The following CD86 variants were observed in gnomAD, a reference collection of about 807,000 sequenced individuals.
CD86 encodes the protein CD86 molecule.
CD86 carries 11 observed loss-of-function variants against 32.1 expected under a neutral mutation model. The observed-to-expected ratio is 0.34, with a 90% CI of 0.22 to 0.57. The LOEUF is 0.57. CD86 is among the 20% of genes least tolerant of loss of function. CD86 has a pLI of 0.86. For synonymous variants in CD86, 137 were observed against 135.3 expected (o/e 1.01, Z -0.09); for missense variants, 359 against 398.4 (o/e 0.90, Z 0.84).
chr3:122,076,576 A>G (rs1167333191), intron 1 of CD86, among the ~76,000 whole-genome samples: 1 of 152,150 alleles, frequency 6.6e-6, no homozygotes, highest in Non-Finnish European at 1.5e-5. Flanking sequence ...GTGAGTCAAG[A>G]CCCTGGACCC....
intron 1 of CD86, among the ~76,000 whole-genome samples, chr3:122,064,271 G>T (rs932208854): frequency 2.0e-5 from 3 of 152,068 alleles, no homozygotes; most frequent in Non-Finnish European, 4.4e-5. Context: ...AAATAAGATA[G>T]CATAGTAAAA....
At chr3:122,069,799 A>G (rs2072465216) in intron 1 of CD86, among the ~76,000 whole-genome samples, 1 of 152,146 alleles carries the variant, frequency 6.6e-6, no homozygotes, top group African/African-American at 2.4e-5. Flanking sequence ...CCATCAGACC[A>G]GAGACCTCAC....
intron 1 of CD86, among the ~76,000 whole-genome samples, chr3:122,091,122 C>T (rs2072810788): frequency 6.6e-6 from 1 of 152,160 alleles, no homozygotes; most frequent in South Asian, 2.1e-4. Flanking sequence ...ATAATCAATC[C>T]CTCAAATTTT....
At chr3:122,082,262 C>T (rs2072644950) in intron 1 of CD86, among the ~76,000 whole-genome samples, 1 of 152,222 alleles carries the variant, frequency 6.6e-6, no homozygotes, top group South Asian at 2.1e-4. Flanking sequence ...TGAAATCTGG[C>T]TCCCTGTAAC....
intron 5 of CD86, among the ~76,000 whole-genome samples, chr3:122,110,164 G>A (rs1414690424): frequency 6.6e-6 from 1 of 152,156 alleles, no homozygotes; most frequent in Non-Finnish European, 1.5e-5. Flanking sequence ...TCATTCTACA[G>A]CATCATTTTT....
Position 122,119,945 on chromosome 3 carries a change from TTG to T in CD86, c.*417_*418del, listed in dbSNP as rs5852292. ...TTCTAAGCTGGTGCCCCACTGAATT[TTG>T]TGTGTACCTGTGACTAAACAACTAC... On this transcript the variant is annotated 3_prime_UTR_variant, in exon 7 of 7. Coordinates refer to ENST00000330540, the MANE Select transcript of CD86 (RefSeq NM_175862.5). The T allele has an allele frequency of 1, 171,140 of 171,142 alleles. 85,569 individuals carry two copies. Among genetic ancestry groups the T allele is most frequent in the Middle Eastern group, 1 (352 of 352 alleles). 10.6% of individuals were successfully genotyped at this position (171,142 alleles called of 1,614,324 possible).
chr3:122,100,083 C>A (rs2072974328), intron 2 of CD86, among the ~76,000 whole-genome samples: 1 of 152,176 alleles, frequency 6.6e-6, no homozygotes, highest in African/African-American at 2.4e-5. Context: ...AGGTGGGGGG[C>A]AGCTGCTGAA....
intron 1 of CD86, among the ~76,000 whole-genome samples, chr3:122,066,244 C>T (rs949204510): frequency 1.3e-5 from 2 of 152,130 alleles, no homozygotes; most frequent in Non-Finnish European, 2.9e-5. Flanking sequence ...GCCTCAGTTT[C>T]TTTGTCACTT....
At position 122,109,256 on chromosome 3, in the gene CD86, C is replaced by A; in HGVS notation, c.704-9C>A. 1 of 1,609,228 alleles carries A rather than the reference C, an allele frequency of 6.2e-7. No homozygotes were observed. The highest frequency in any genetic ancestry group is 1.1e-5 in the South Asian group (1 of 90,100). On this transcript the variant is annotated splice_polypyrimidine_tract_variant and intron_variant, in intron 4 of 6. Transcript: ENST00000330540. ...TCCTGGCTGATTGAAAATTTGTGGT[C>A]ATTTGTAGAGCTTGAGGACCCTCAG... is the stretch of plus-strand genomic sequence containing the variant.
At chr3:122,103,446 A>AG in intron 2 of CD86, 66 bp from the exon 3 acceptor site, 1 of 1,024,780 alleles carries the variant, frequency 9.8e-7, no homozygotes, top group Non-Finnish European at 1.5e-6. Flanking sequence ...TTGTATAAAG[A>AG]GAAATGGAGG....
intron 5 of CD86, among the ~76,000 whole-genome samples, chr3:122,112,806 A>T: frequency 6.6e-6 from 1 of 152,224 alleles, no homozygotes. Flanking sequence ...GTATTCAACT[A>T]TAAGTACCTT....
At chr3:122,075,677 G>C (rs1483492175) in intron 1 of CD86, among the ~76,000 whole-genome samples, 1 of 152,154 alleles carries the variant, frequency 6.6e-6, no homozygotes, top group East Asian at 1.9e-4. Context: ...CTCTAGCTAA[G>C]TTGGAGAATA....
At chr3:122,100,602 C>T (rs186211517) in intron 2 of CD86, among the ~76,000 whole-genome samples, 7 of 152,322 alleles carry the variant, frequency 4.6e-5, no homozygotes, top group Admixed American at 4.6e-4. Flanking sequence ...CCAGGGAACA[C>T]TGAAGTCCCA....
At chr3:122,111,926 G>A (rs1175031296) in intron 5 of CD86, among the ~76,000 whole-genome samples, 1 of 152,172 alleles carries the variant, frequency 6.6e-6, no homozygotes, top group Non-Finnish European at 1.5e-5. Flanking sequence ...TGCCTCAACT[G>A]TATATATTTA....
intron 3 of CD86, 76 bp downstream of exon 3, chr3:122,103,923 AG>A: frequency 7.9e-7 from 1 of 1,266,048 alleles, no homozygotes; most frequent in Non-Finnish European, 1.1e-6. Flanking sequence ...AAAACACTGG[AG>A]GGGGACTTGA....
rs372828623 is a variant in CD86, at chr3:122,109,037, G to C, written c.704-228G>C. 5.2e-4 allele frequency among the ~76,000 whole-genome samples: 79 copies of C among 152,246 alleles called. 1 individual carries two copies. In the South Asian group the frequency reaches 0.015, roughly 28 times the overall value. Reference sequence around the variant, plus strand: ...CGGTGTTATCCCCACCTCCATGAAGGCATGGCAGCTCAGTCCAGGCATTTG... The same window carrying C: ...CGGTGTTATCCCCACCTCCATGAAGCCATGGCAGCTCAGTCCAGGCATTTG... On this transcript the variant is annotated intron_variant, in intron 4 of 6. Transcript: ENST00000330540.
chr3:122,077,978 T>C (rs187491874), intron 1 of CD86: 1 of 985,652 alleles, frequency 1.0e-6, no homozygotes, highest in East Asian at 1.1e-4. Context: ...CTGTGTTCCT[T>C]GGGAATGCTG....
At chr3:122,101,513 A>ATATAT (rs1553753638) in intron 2 of CD86, among the ~76,000 whole-genome samples, 622 of 44,772 alleles carry the variant, frequency 0.014, 2 homozygotes, top group Middle Eastern at 0.022. Flanking sequence ...AAAAAAAAAA[A>ATATAT]ATATATATAT....
At chr3:122,082,145 C>A (rs185820878) in intron 1 of CD86, among the ~76,000 whole-genome samples, 23 of 152,306 alleles carry the variant, frequency 1.5e-4, no homozygotes, top group Non-Finnish European at 3.1e-4. Context: ...TGTGTTATCA[C>A]CCCCACTTTG....
Sources: allele counts gnomAD v4.1 joint callset (sites outside exome capture counted in the v4.1 genomes callset), GRCh38; gene constraint gnomAD v4.1.1; transcripts MANE v1.5; gene names NCBI Gene and HGNC (gene_info 2026-07-23, HGNC 2026-07-21).